The following CTNNA2 variants were observed in gnomAD, a reference collection of about 807,000 sequenced individuals.
The protein encoded by CTNNA2 is catenin alpha-2.
CTNNA2 carries 42 observed loss-of-function variants against 101.0 expected under a neutral mutation model. The ratio of observed to expected loss-of-function variants is 0.42; its 90% CI spans 0.32 to 0.54. CTNNA2 has a LOEUF of 0.54. Ranked by LOEUF, CTNNA2 falls within the 20% of genes least tolerant of loss-of-function variation. The pLI is 0.14. For synonymous variants in CTNNA2, 450 were observed against 456.4 expected (o/e 0.99, Z 0.18); for missense variants, 871 against 1,223.1 (o/e 0.71, Z 4.29).
chr2:79,575,128 G>A (rs1411936274), intron 1 of CTNNA2, among the ~76,000 whole-genome samples: 1 of 152,062 alleles, frequency 6.6e-6, no homozygotes, highest in Non-Finnish European at 1.5e-5. Context: ...TGTTGTACAT[G>A]AATGCTGTTG....
chr2:80,647,535 A>C (rs1353563488), intron 18 of CTNNA2, 50 bp from the exon 19 acceptor site: 4 of 1,438,858 alleles, frequency 2.8e-6, no homozygotes, highest in Non-Finnish European at 3.8e-6. Context: ...CATTTTGTGA[A>C]TTTGGGGCCT....
At chr2:80,553,914 C>A (rs1362167661) in intron 11 of CTNNA2, among the ~76,000 whole-genome samples, 1 of 152,082 alleles carries the variant, frequency 6.6e-6, no homozygotes, top group Non-Finnish European at 1.5e-5. Flanking sequence ...TGTCATGTCT[C>A]AAGAAAATGT....
intron 3 of CTNNA2, among the ~76,000 whole-genome samples, chr2:79,346,847 C>G (rs183390743): frequency 6.4e-4 from 98 of 152,300 alleles, no homozygotes; most frequent in Middle Eastern, 3.4e-3. Context: ...CTCCACAAAG[C>G]CCCAAATTTG....
At chr2:79,680,794 C>T (rs576812464) in intron 2 of CTNNA2, among the ~76,000 whole-genome samples, 1 of 152,242 alleles carries the variant, frequency 6.6e-6, no homozygotes, top group South Asian at 2.1e-4. Flanking sequence ...CTGCTAGTGC[C>T]AGGGAATCAT....
chr2:80,032,868 A>G (rs1695381214), intron 7 of CTNNA2, among the ~76,000 whole-genome samples: 1 of 152,102 alleles, frequency 6.6e-6, no homozygotes. Flanking sequence ...TGGACAAGAT[A>G]ACGACCGGGC....
At chr2:79,511,711 TAGAG>T (rs952636702), upstream of CTNNA2, among the ~76,000 whole-genome samples, 2 of 152,110 alleles carry the variant, frequency 1.3e-5, no homozygotes, top group African/African-American at 4.8e-5. Flanking sequence ...AGTCATTCCC[TAGAG>T]AGAATTAAAA....
At chr2:79,960,436 A>G (rs1022907007) in intron 7 of CTNNA2, among the ~76,000 whole-genome samples, 18 of 152,216 alleles carry the variant, frequency 1.2e-4, no homozygotes, top group Non-Finnish European at 1.8e-4. Flanking sequence ...GCTAACTAGG[A>G]GAAAACACCT....
intron 18 of CTNNA2, among the ~76,000 whole-genome samples, chr2:80,626,967 G>A (rs1002580388): frequency 2.6e-5 from 4 of 151,900 alleles, no homozygotes; most frequent in African/African-American, 9.7e-5. Flanking sequence ...TGCGGTGTTT[G>A]GTTTTCTGTT....
At chr2:80,173,884 A>G (rs1705226351) in intron 7 of CTNNA2, among the ~76,000 whole-genome samples, 1 of 152,192 alleles carries the variant, frequency 6.6e-6, no homozygotes, top group Admixed American at 6.5e-5. Flanking sequence ...GAAGATGTGA[A>G]AAGAAGAGCA....
chr2:79,388,257 G>A (rs896967920), intron 4 of CTNNA2, among the ~76,000 whole-genome samples: 9 of 152,128 alleles, frequency 5.9e-5, no homozygotes, highest in Admixed American at 2.6e-4. Context: ...CTCAAGAACC[G>A]AGGCTGATGG....
intron 3 of CTNNA2, among the ~76,000 whole-genome samples, chr2:79,825,708 G>A (rs993682482): frequency 2.0e-5 from 3 of 152,050 alleles, no homozygotes; most frequent in African/African-American, 7.2e-5. Context: ...TCTAAATTTA[G>A]GAAATATCAT....
chr2:79,794,325 G>C (rs917855076), intron 3 of CTNNA2, among the ~76,000 whole-genome samples: 3 of 151,982 alleles, frequency 2.0e-5, no homozygotes, highest in African/African-American at 7.3e-5. Flanking sequence ...TAATTCTTTT[G>C]CCTTTACTTT....
chr2:80,335,934 A>C (rs1425962453), intron 7 of CTNNA2, among the ~76,000 whole-genome samples: 1 of 152,158 alleles, frequency 6.6e-6, no homozygotes, highest in African/African-American at 2.4e-5. Context: ...TTCATGCCAC[A>C]CTGGGACCAG....
At chr2:79,979,107 C>T (rs1380367085) in intron 7 of CTNNA2, among the ~76,000 whole-genome samples, 1 of 152,202 alleles carries the variant, frequency 6.6e-6, no homozygotes, top group African/African-American at 2.4e-5. Context: ...TCTGATAGGC[C>T]GGACACAGTG....
At chr2:79,743,826 G>T (rs190762718) in intron 2 of CTNNA2, among the ~76,000 whole-genome samples, 7 of 152,156 alleles carry the variant, frequency 4.6e-5, no homozygotes, top group African/African-American at 1.4e-4. Flanking sequence ...GAGCCACCAC[G>T]CCTGGCAGAA....
intron 2 of CTNNA2, among the ~76,000 whole-genome samples, chr2:79,243,212 G>A (rs1429967277): frequency 6.6e-6 from 1 of 152,040 alleles, no homozygotes; most frequent in South Asian, 2.1e-4. Flanking sequence ...GACTGTAGGT[G>A]GGCTAGGGGT....
intron 3 of CTNNA2, among the ~76,000 whole-genome samples, chr2:79,322,966 C>A (rs936626490): frequency 2.0e-5 from 3 of 152,276 alleles, no homozygotes; most frequent in Middle Eastern, 3.4e-3. Flanking sequence ...GGTTATTTCC[C>A]TGAAAGTATC....
intron 1 of CTNNA2, among the ~76,000 whole-genome samples, chr2:79,535,856 T>G (rs1174222502): frequency 6.6e-6 from 1 of 152,072 alleles, no homozygotes; most frequent in African/African-American, 2.4e-5. Flanking sequence ...CATTGTCAGC[T>G]CTGTTGAAGA....
At chr2:79,294,241 G>GAAGAAGAAGAAGAAGAAGAA (rs397973299) in intron 2 of CTNNA2, among the ~76,000 whole-genome samples, 3 of 133,156 alleles carry the variant, frequency 2.3e-5, no homozygotes, top group African/African-American at 8.5e-5. Flanking sequence ...AAGAAGAAGA[G>GAAGAAGAAGAAGAAGAAGAA]GAGGAGGAGG....
Sources: allele counts gnomAD v4.1 joint callset (sites outside exome capture counted in the v4.1 genomes callset), GRCh38; gene constraint gnomAD v4.1.1; transcripts MANE v1.5; gene names NCBI Gene and HGNC (gene_info 2026-07-23, HGNC 2026-07-21).